Variants in CCBE1 observed in about 807,000 individuals in gnomAD.
The protein encoded by CCBE1 is collagen and calcium-binding EGF domain-containing protein 1.
A neutral mutation model predicts 50.0 loss-of-function variants in CCBE1; 37 were observed. The ratio of observed to expected loss-of-function variants is 0.74; its 90% CI spans 0.57 to 0.97. The LOEUF (loss-of-function observed/expected upper bound fraction) is 0.97. CCBE1 is among the 50% of genes least tolerant of loss of function. CCBE1 has a pLI of 0.00. For missense variants in CCBE1, 538 were observed against 523.8 expected, an observed-to-expected ratio of 1.03 and a Z score of -0.26; for synonymous variants, 234 against 203.7, an observed-to-expected ratio of 1.15 and a Z score of -1.27.
chr18:59,639,191 G>A (rs1177182604), intron 2 of CCBE1, among the ~76,000 whole-genome samples: 2 of 152,090 alleles, frequency 1.3e-5, no homozygotes, highest in African/African-American at 2.4e-5. Context: ...AATGGATTGA[G>A]CCCGGGAGTC....
At chr18:59,449,532 G>T (rs1910831667) in intron 6 of CCBE1, among the ~76,000 whole-genome samples, 1 of 151,182 alleles carries the variant, frequency 6.6e-6, no homozygotes, top group Non-Finnish European at 1.5e-5. Flanking sequence ...TAAGGCAGGA[G>T]AACTGCTTGG....
At chr18:59,657,270 T>C (rs936077234) in intron 2 of CCBE1, among the ~76,000 whole-genome samples, 1 of 152,188 alleles carries the variant, frequency 6.6e-6, no homozygotes, top group Admixed American at 6.5e-5. Context: ...CTTCAAGGCA[T>C]GCCCAGGACG....
At chr18:59,455,712 C>T (rs112172265) in intron 5 of CCBE1, among the ~76,000 whole-genome samples, 325 of 152,374 alleles carry the variant, frequency 2.1e-3, no homozygotes, top group African/African-American at 7.4e-3. Context: ...GGGAGACCAG[C>T]CACCTGGGTC....
intron 2 of CCBE1, 193 bp downstream of exon 2, chr18:59,696,436 G>A: frequency 7.1e-7 from 1 of 1,407,412 alleles, no homozygotes; most frequent in Non-Finnish European, 9.4e-7. Context: ...CGCAAAGTCA[G>A]TTGCTCAGTG....
intron 2 of CCBE1, among the ~76,000 whole-genome samples, chr18:59,589,176 T>G (rs2053222206): frequency 6.6e-6 from 1 of 152,184 alleles, no homozygotes; most frequent in Admixed American, 6.5e-5. Flanking sequence ...TATCTCAGCC[T>G]TAGGGGCAGT....
At chr18:59,516,716 A>T (rs4552110) in intron 2 of CCBE1, among the ~76,000 whole-genome samples, 23,264 of 152,086 alleles carry the variant, frequency 0.15, 1,867 homozygotes, top group Middle Eastern at 0.22. Context: ...TTACAACATG[A>T]CCTAGTTCCT....
chr18:59,497,858 C>G (rs952667885), intron 2 of CCBE1, among the ~76,000 whole-genome samples: 1 of 152,212 alleles, frequency 6.6e-6, no homozygotes, highest in African/African-American at 2.4e-5. Flanking sequence ...GGGTATCTCC[C>G]AGCCAATCCA....
intron 2 of CCBE1, among the ~76,000 whole-genome samples, chr18:59,548,142 TTA>T (rs1220398177): frequency 6.6e-6 from 1 of 152,228 alleles, no homozygotes; most frequent in Non-Finnish European, 1.5e-5. Context: ...CAGTCTCGTC[TTA>T]TGAGTAAGAC....
At chr18:59,574,272 G>A (rs963855272) in intron 2 of CCBE1, among the ~76,000 whole-genome samples, 10 of 152,148 alleles carry the variant, frequency 6.6e-5, no homozygotes, top group African/African-American at 1.4e-4. Context: ...TTTATAGTAC[G>A]GTTAGTTGCC....
chr18:59,469,013 G>T (rs915808271), intron 4 of CCBE1, among the ~76,000 whole-genome samples: 2 of 152,196 alleles, frequency 1.3e-5, no homozygotes, highest in South Asian at 4.1e-4. Context: ...ACAGGCTGGT[G>T]CCGTGGATGG....
At chr18:59,583,529 C>G (rs1236406205) in intron 2 of CCBE1, among the ~76,000 whole-genome samples, 1 of 152,086 alleles carries the variant, frequency 6.6e-6, no homozygotes, top group Non-Finnish European at 1.5e-5. Context: ...TTTTCATTAT[C>G]AAATGGCCAA....
chr18:59,477,538 CTGTG>C (rs55840819), intron 3 of CCBE1, among the ~76,000 whole-genome samples: 161 of 149,832 alleles, frequency 1.1e-3, no homozygotes, highest in African/African-American at 3.3e-3. Context: ...TTCCATGTCT[CTGTG>C]TGTGTGTGTG....
chr18:59,624,199 C>T (rs920949801), intron 2 of CCBE1, among the ~76,000 whole-genome samples: 29 of 152,314 alleles, frequency 1.9e-4, no homozygotes, highest in African/African-American at 6.7e-4. Context: ...TGCAAGGCCA[C>T]AAGTCTGGAA....
chr18:59,695,175 C>G (rs1416422782), intron 2 of CCBE1, among the ~76,000 whole-genome samples: 3 of 152,190 alleles, frequency 2.0e-5, no homozygotes, highest in Non-Finnish European at 2.9e-5. Context: ...AGCAAACCAT[C>G]TCAGAGACAT....
chr18:59,667,329 G>T (rs1416199342), intron 2 of CCBE1, among the ~76,000 whole-genome samples: 1 of 152,182 alleles, frequency 6.6e-6, no homozygotes, highest in East Asian at 1.9e-4. Context: ...CGTAAGGATT[G>T]TACACTGCAG....
intron 2 of CCBE1, among the ~76,000 whole-genome samples, chr18:59,527,070 T>TAG (rs1914853747): frequency 6.6e-6 from 1 of 152,226 alleles, no homozygotes; most frequent in Admixed American, 6.5e-5. Context: ...TTGTTAATTT[T>TAG]CTCTCGATGA....
chr18:59,549,310 A>ATTC (rs1216019313), intron 2 of CCBE1, among the ~76,000 whole-genome samples: 1 of 152,118 alleles, frequency 6.6e-6, no homozygotes, highest in Admixed American at 6.5e-5. Flanking sequence ...TAGCTAAGCC[A>ATTC]TTCTTCTTAT....
intron 2 of CCBE1, among the ~76,000 whole-genome samples, chr18:59,693,740 A>C (rs928811584): frequency 6.9e-4 from 105 of 152,196 alleles, no homozygotes; most frequent in African/African-American, 2.5e-3. Context: ...AGCTCGTAAT[A>C]GATGCACAAT....
intron 2 of CCBE1, among the ~76,000 whole-genome samples, chr18:59,625,685 G>A (rs899437655): frequency 4.0e-5 from 6 of 148,828 alleles, no homozygotes; most frequent in African/African-American, 1.2e-4. Context: ...CCAGCCACCC[G>A]CCAATTCTTA....
Sources: allele counts gnomAD v4.1 joint callset (sites outside exome capture counted in the v4.1 genomes callset), GRCh38; gene constraint gnomAD v4.1.1; transcripts MANE v1.5; gene names NCBI Gene and HGNC (gene_info 2026-07-23, HGNC 2026-07-21).